Variants in INO80D observed in about 807,000 individuals in gnomAD.
The protein encoded by INO80D is INO80 complex subunit D.
In INO80D, 21 loss-of-function variants were observed where a neutral mutation model predicts 87.6. The ratio of observed to expected loss-of-function variants is 0.24; its 90% CI spans 0.17 to 0.35. The LOEUF is 0.35. Among genes scored for constraint, INO80D ranks in the 10% least tolerant of loss-of-function variants. The pLI is 1.00. For missense variants in INO80D, 982 were observed against 1,280.7 expected (o/e 0.77, Z 3.56); for synonymous variants, 440 against 491.0 (o/e 0.90, Z 1.37).
At chr2:206,050,274 C>G (rs1689315805) in intron 4 of INO80D, among the ~76,000 whole-genome samples, 1 of 151,090 alleles carries the variant, frequency 6.6e-6, no homozygotes, top group Non-Finnish European at 1.5e-5. Flanking sequence ...GGGCAGATCA[C>G]AAGATTAGGA....
At chr2:206,081,884 T>C (rs1690296113) in intron 1 of INO80D, among the ~76,000 whole-genome samples, 1 of 152,126 alleles carries the variant, frequency 6.6e-6, no homozygotes. Flanking sequence ...TATCAAAGAA[T>C]TTTATTCCCA....
Position 206,017,775 on chromosome 2 carries a change from A to T in INO80D, c.1447T>A (p.Cys483Ser), listed in dbSNP as rs773768951. 1 of 1,613,730 alleles carries T rather than the reference A, an allele frequency of 6.2e-7. No individual in the cohort carries two copies. The highest frequency in any genetic ancestry group is 2.2e-5 in the East Asian group (1 of 44,866). ...LNHSQQLFSS[C>S]TAKFADGQQC... ...TGTCCATCTGCAAACTTGGCTGTGC[A>T]ACTTGAGAAGAGCTGCTGAGAGTGG... The change falls in exon 8 of 11, where the codon TGC becomes AGC. Residue 483 changes from cysteine (C) to serine (S), a missense_variant. Cys to Ser is a moderately radical substitution (Grantham distance 112, BLOSUM62 -1). Coordinates refer to ENST00000403263, the MANE Select transcript of INO80D (RefSeq NM_017759.5).
At position 205,996,650 on chromosome 2, in the gene INO80D, GTATA is replaced by G. The variant is rs987123906; in HGVS notation, c.*7714_*7717del. ...TCTATACACACACATATACATACGTGTATATATAGATTTATACAAATGTATAAAT... is the reference window on the plus strand; with the variant it reads ...TCTATACACACACATATACATACGTGTATAGATTTATACAAATGTATAAAT... On this transcript the variant is annotated 3_prime_UTR_variant, in exon 11 of 11. Transcript: ENST00000403263. 6.6e-5 allele frequency: 10 copies of G among 151,916 alleles called. No individual in the cohort carries two copies. The highest frequency in any genetic ancestry group is 6.3e-3 in the Middle Eastern group (2 of 316). 9.4% of individuals were successfully genotyped at this position (151,916 alleles called of 1,614,324 possible).
At position 206,019,735 on chromosome 2, in the gene INO80D, C is replaced by T; in HGVS notation, c.1408+1G>A. The T allele has an allele frequency of 6.2e-7, 1 of 1,610,350 alleles. No individual in the cohort carries two copies. On this transcript the variant is annotated splice_donor_variant, in intron 7 of 10. Transcript: ENST00000403263. LOFTEE classifies it high-confidence loss of function. The stretch of plus-strand genomic sequence containing the variant: ...CACATTCCATTTAGTTGAAAGGATA[C>T]GTTGGAAACAATGTCTGGTGAATGG...
chr2:206,007,199 T>C, intron 10 of INO80D, 85 bp downstream of exon 10: 1 of 1,190,612 alleles, frequency 8.4e-7, no homozygotes, highest in Non-Finnish European at 1.2e-6. Flanking sequence ...AGGAGGAATA[T>C]GATAAACACA....
chr2:206,018,487 T>A (rs2105816337), intron 7 of INO80D, among the ~76,000 whole-genome samples: 1 of 152,282 alleles, frequency 6.6e-6, no homozygotes, highest in Non-Finnish European at 1.5e-5. Context: ...AGGAAAATTT[T>A]CTGCCTATGA....
intron 5 of INO80D, among the ~76,000 whole-genome samples, chr2:206,035,013 T>C (rs1688856984): frequency 6.6e-6 from 1 of 152,008 alleles, no homozygotes. Flanking sequence ...AATAATAAAA[T>C]ACTTAGGAAT....
chr2:206,013,996 T>C (rs1044553714), intron 8 of INO80D, among the ~76,000 whole-genome samples: 10 of 151,086 alleles, frequency 6.6e-5, no homozygotes, highest in Non-Finnish European at 1.2e-4. Context: ...CTTTCTCTAC[T>C]AAAAAAAACA....
At chr2:206,016,440 G>A (rs1470139516) in intron 8 of INO80D, among the ~76,000 whole-genome samples, 1 of 152,164 alleles carries the variant, frequency 6.6e-6, no homozygotes, top group Non-Finnish European at 1.5e-5. Context: ...AGGCTCATAG[G>A]CAGAAGAGAC....
chr2:206,070,970 CCTTTT>C (rs1218155278), intron 1 of INO80D, among the ~76,000 whole-genome samples: 1 of 142,118 alleles, frequency 7.0e-6, no homozygotes, highest in Non-Finnish European at 1.5e-5. Context: ...AATTTTAAAT[CCTTTT>C]CTTTTCTTTT....
intron 5 of INO80D, among the ~76,000 whole-genome samples, chr2:206,034,062 C>G (rs571642926): frequency 1.3e-5 from 2 of 152,154 alleles, no homozygotes; most frequent in South Asian, 4.2e-4. Context: ...AATTAGATAA[C>G]CTGAACAGAC....
At chr2:206,061,526 T>C (rs1689690986) in intron 3 of INO80D, among the ~76,000 whole-genome samples, 1 of 152,248 alleles carries the variant, frequency 6.6e-6, no homozygotes, top group Non-Finnish European at 1.5e-5. Flanking sequence ...AAAAACTAAC[T>C]AGACAGATAT....
At chr2:206,009,917 A>G in intron 8 of INO80D, 123 bp from the exon 9 acceptor site, 1 of 683,474 alleles carries the variant, frequency 1.5e-6, no homozygotes, top group Non-Finnish European at 2.4e-6. Flanking sequence ...GATGCCCAAA[A>G]CTATGTATAA....
chr2:206,080,231 A>G (rs1004491686), intron 1 of INO80D, among the ~76,000 whole-genome samples: 1 of 152,218 alleles, frequency 6.6e-6, no homozygotes, highest in African/African-American at 2.4e-5. Flanking sequence ...TCAGGTAAAC[A>G]TGCCCAGGAC....
In INO80D at chr2:206,085,911, C is replaced by CTT. The variant is rs199740603; in HGVS notation, c.-136_-135dup. 1.3e-5 allele frequency: 2 copies of CTT among 149,208 alleles called. No individual in the cohort carries two copies. The highest frequency in any genetic ancestry group is 3.0e-5 in the Non-Finnish European group (2 of 67,226). 9.2% of individuals were successfully genotyped at this position (149,208 alleles called of 1,614,324 possible). The stretch of plus-strand genomic sequence containing the variant: ...GCCGCCTCTGCTTACCTTTCAGCTG[C>CTT]TTTTTTTTTTCTCCTTCCCCCCTGT... On this transcript the variant is annotated 5_prime_UTR_variant, in exon 1 of 11. Transcript: ENST00000403263. This position sits in a 1 kb window ranked among gnomAD's most constrained non-coding sequence, Gnocchi z 4.5.
At chr2:206,066,859 T>C (rs1055113987) in intron 1 of INO80D, among the ~76,000 whole-genome samples, 5 of 151,256 alleles carry the variant, frequency 3.3e-5, no homozygotes, top group Non-Finnish European at 7.4e-5. Context: ...TGGATAGAAC[T>C]AGAAGACATT....
At chr2:206,067,524 T>C (rs1689851964) in intron 1 of INO80D, among the ~76,000 whole-genome samples, 1 of 152,204 alleles carries the variant, frequency 6.6e-6, no homozygotes, top group Non-Finnish European at 1.5e-5. Flanking sequence ...ATTACCCTGC[T>C]GATTACTATA....
chr2:206,063,496 C>G (rs1017439649), intron 1 of INO80D: 1 of 160,284 alleles, frequency 6.2e-6, no homozygotes, highest in African/African-American at 2.4e-5. Flanking sequence ...GAGTTTGAGA[C>G]CAGCCTGGCC....
At chr2:206,029,385 C>T (rs1688703804) in intron 5 of INO80D, among the ~76,000 whole-genome samples, 1 of 152,150 alleles carries the variant, frequency 6.6e-6, no homozygotes, top group African/African-American at 2.4e-5. Context: ...CTACCACCAG[C>T]AAGGTTTAAA....
Sources: allele counts gnomAD v4.1 joint callset (sites outside exome capture counted in the v4.1 genomes callset), GRCh38; gene constraint gnomAD v4.1.1; non-coding constraint Gnocchi (gnomAD v3.1); transcripts MANE v1.5; gene names NCBI Gene and HGNC (gene_info 2026-07-23, HGNC 2026-07-21).